The following CCSER1 variants were observed in gnomAD, a reference collection of about 807,000 sequenced individuals.
The protein encoded by CCSER1 is serine-rich coiled-coil domain-containing protein 1.
A neutral mutation model predicts 82.0 loss-of-function variants in CCSER1; 41 were observed. That is an observed-to-expected ratio of 0.50 (90% CI 0.39 to 0.65). CCSER1 has a LOEUF of 0.65. Ranked by LOEUF, CCSER1 falls within the 30% of genes least tolerant of loss-of-function variation. CCSER1 has a pLI of 0.00. For synonymous variants in CCSER1, 414 were observed against 383.9 expected (o/e 1.08, Z -0.92); for missense variants, 1,119 against 1,064.2 (o/e 1.05, Z -0.72).
rs148957084 is a variant in CCSER1, at chr4:91,105,573, G to A, written c.2217+19579G>A. ...ATAAACATTAGCCAGGTGTGGTGGT[G>A]GATGCCTATAGTCCCAGCTACTCAG... On this transcript the variant is annotated intron_variant, in intron 10 of 10. Coordinates refer to ENST00000509176, the MANE Select transcript of CCSER1 (RefSeq NM_001145065.2). 6.0e-4 allele frequency among the ~76,000 whole-genome samples: 91 copies of A among 152,024 alleles called. 3 individuals carry two copies. In the East Asian group the frequency reaches 0.016, roughly 27 times the overall value.
intron 7 of CCSER1, among the ~76,000 whole-genome samples, chr4:90,807,048 T>A (rs1757609618): frequency 6.6e-6 from 1 of 152,092 alleles, no homozygotes; most frequent in Non-Finnish European, 1.5e-5. Context: ...CAATAGAGTT[T>A]TTGTCGTAAG....
At chr4:90,967,700 A>T (rs1212603051) in intron 9 of CCSER1, among the ~76,000 whole-genome samples, 1 of 152,080 alleles carries the variant, frequency 6.6e-6, no homozygotes, top group Non-Finnish European at 1.5e-5. Context: ...TATAAATTGG[A>T]TTTCAACAAA....
chr4:91,118,317 G>A (rs1486495103), intron 10 of CCSER1, among the ~76,000 whole-genome samples: 1 of 135,566 alleles, frequency 7.4e-6, no homozygotes, highest in Non-Finnish European at 1.5e-5. Flanking sequence ...ACGAGGTCTC[G>A]TTCTGTTGCT....
At position 90,779,619 on chromosome 4, in the gene CCSER1, T is replaced by TA. The variant is rs1753473088; in HGVS notation, c.2011-36142dup. 2.0e-5 allele frequency among the ~76,000 whole-genome samples: 3 copies of TA among 152,280 alleles called. No homozygotes were observed. The South Asian group carries it at 6.2e-4, about 32-fold the overall frequency. On this transcript the variant is annotated intron_variant, in intron 7 of 10. Transcript: ENST00000509176. ...TCCTCATGGGTTATGCATGTATCCTTACAATTTCAGATTCTGTAGCAGTCA... is the reference window on the plus strand; with the variant it reads ...TCCTCATGGGTTATGCATGTATCCTTAACAATTTCAGATTCTGTAGCAGTCA...
intron 6 of CCSER1, among the ~76,000 whole-genome samples, chr4:90,674,192 G>GT (rs1271852901): frequency 2.0e-5 from 3 of 151,796 alleles, no homozygotes; most frequent in African/African-American, 7.3e-5. Flanking sequence ...AGGGAAATCT[G>GT]TTTTTTTCAA....
chr4:90,785,292 C>G lies in CCSER1; in HGVS notation c.2011-30470C>G, dbSNP rs189402638. On this transcript the variant is annotated intron_variant, in intron 7 of 10. Coordinates refer to ENST00000509176, the MANE Select transcript of CCSER1 (RefSeq NM_001145065.2). ...GGCTCAAGCAATCCACCCTCCTTCG[C>G]CTCCCAAATTACAGGCATGAGCCAC... 9.9e-5 allele frequency among the ~76,000 whole-genome samples: 15 copies of G among 152,198 alleles called. No homozygotes were observed. The East Asian group carries it at 2.9e-3, about 29-fold the overall frequency.
chr4:90,855,940 CA>C (rs1458195027), intron 8 of CCSER1, among the ~76,000 whole-genome samples: 1 of 152,002 alleles, frequency 6.6e-6, no homozygotes, highest in Non-Finnish European at 1.5e-5. Flanking sequence ...ATTCATTGAA[CA>C]TTTTTTTTCA....
intron 10 of CCSER1, among the ~76,000 whole-genome samples, chr4:91,167,156 A>AAATT (rs1732172535): frequency 6.6e-6 from 1 of 151,722 alleles, no homozygotes; most frequent in Non-Finnish European, 1.5e-5. Flanking sequence ...ATAAGTATAA[A>AAATT]AATTAAATAC....
chr4:90,493,343 G>A (rs143565404), intron 5 of CCSER1, among the ~76,000 whole-genome samples: 5,222 of 152,190 alleles, frequency 0.034, 279 homozygotes, highest in African/African-American at 0.12. Flanking sequence ...ACTCTCTGCA[G>A]GATATTATAC....
chr4:90,534,870 T>A (rs1422470688), intron 5 of CCSER1, among the ~76,000 whole-genome samples: 1 of 152,206 alleles, frequency 6.6e-6, no homozygotes, highest in Non-Finnish European at 1.5e-5. Flanking sequence ...TTAAGGGTGC[T>A]CTAATGCCAT....
At chr4:90,614,933 G>A (rs1053762031) in intron 5 of CCSER1, among the ~76,000 whole-genome samples, 10 of 152,126 alleles carry the variant, frequency 6.6e-5, no homozygotes, top group Non-Finnish European at 1.2e-4. Flanking sequence ...TGACTTCAAA[G>A]CTTCCAAGGA....
At chr4:90,417,919 A>G (rs1462036235) in intron 4 of CCSER1, among the ~76,000 whole-genome samples, 1 of 152,172 alleles carries the variant, frequency 6.6e-6, no homozygotes, top group East Asian at 1.9e-4. Context: ...ATAAATTTCT[A>G]CAAGCTCTGA....
chr4:91,232,713 A>G (rs1738715221), intron 10 of CCSER1, among the ~76,000 whole-genome samples: 1 of 151,838 alleles, frequency 6.6e-6, no homozygotes, highest in South Asian at 2.1e-4. Context: ...AAATACTTGT[A>G]TAAAGACAAA....
At chr4:90,899,201 A>AT (rs1187456085) in intron 8 of CCSER1, among the ~76,000 whole-genome samples, 1 of 151,966 alleles carries the variant, frequency 6.6e-6, no homozygotes, top group East Asian at 1.9e-4. Flanking sequence ...ATTTTATTTT[A>AT]TTTTTTGTGG....
At chr4:91,539,307 T>G (rs2110190979) in intron 10 of CCSER1, among the ~76,000 whole-genome samples, 1 of 152,202 alleles carries the variant, frequency 6.6e-6, no homozygotes, top group South Asian at 2.1e-4. Flanking sequence ...TGAAATGCTT[T>G]AATACTGATC....
At chr4:90,822,483 C>T (rs766140087) in intron 8 of CCSER1, among the ~76,000 whole-genome samples, 32 of 152,206 alleles carry the variant, frequency 2.1e-4, no homozygotes, top group Non-Finnish European at 4.3e-4. Flanking sequence ...AATCCCAGCA[C>T]GTTGGGAGGC....
chr4:90,243,531 G>A (rs1233146443), intron 1 of CCSER1, among the ~76,000 whole-genome samples: 2 of 151,660 alleles, frequency 1.3e-5, no homozygotes, highest in African/African-American at 4.9e-5. Flanking sequence ...ACAGGTGTGA[G>A]CCACTGCTCC....
chr4:91,218,454 C>T (rs1026570311), intron 10 of CCSER1, among the ~76,000 whole-genome samples: 10 of 152,216 alleles, frequency 6.6e-5, no homozygotes, highest in East Asian at 1.9e-4. Context: ...CCTCAAATGC[C>T]GCCAAAGTGG....
chr4:90,474,157 G>T (rs186389182), intron 5 of CCSER1, among the ~76,000 whole-genome samples: 184 of 141,222 alleles, frequency 1.3e-3, no homozygotes, highest in Non-Finnish European at 2.0e-3. Flanking sequence ...AAAAAAAAAT[G>T]CAAAAGTGTA....
Sources: gnomAD v4.1 joint callset for allele counts (sites outside exome capture counted in the v4.1 genomes callset) on GRCh38, gnomAD v4.1.1 for gene constraint, MANE v1.5 for transcripts, NCBI Gene and HGNC (gene_info 2026-07-23, HGNC 2026-07-21) for gene names.